The following COL22A1 variants were observed in gnomAD, a reference collection of about 807,000 sequenced individuals.
COL22A1 encodes the protein collagen type XXII alpha 1 chain.
COL22A1 carries 221 observed loss-of-function variants against 248.9 expected under a neutral mutation model. That is an observed-to-expected ratio of 0.89 (90% confidence interval 0.80 to 0.99). The LOEUF is 0.99. Among genes scored for constraint, COL22A1 ranks in the 50% least tolerant of loss-of-function variants. COL22A1 has a pLI of 0.00. For synonymous variants in COL22A1, 891 were observed against 793.4 expected (o/e 1.12, Z -2.07); for missense variants, 2,240 against 2,179.0 (o/e 1.03, Z -0.56).
chr8:138,812,918 T>G (rs1818362718), intron 8 of COL22A1, 21 bp downstream of exon 8: 1 of 1,587,516 alleles, frequency 6.3e-7, no homozygotes, highest in East Asian at 2.2e-5. Context: ...TCCCATCCTC[T>G]CTGTGCGAGA....
chr8:138,649,798 T>A lies in COL22A1; in HGVS notation c.3334-20A>T, dbSNP rs1312866531. 6.8e-7 allele frequency: 1 copy of A among 1,470,254 alleles called. No individual in the cohort carries two copies. Among genetic ancestry groups the A allele is most frequent in the Admixed American group, 2.2e-5 (1 of 46,416 alleles). The allele number at this position is 1,470,254 out of a possible 1,614,324, so 91.1% of individuals were successfully genotyped here. A position where few individuals can be genotyped will look rare whatever the true frequency, so the allele number is the denominator to read the frequency against. ...CACATCCTGAGAGTGGGGAGAGAGG[T>A]GGGGACAAAGAGAGAATAACTAGCA... On this transcript the variant is annotated intron_variant, in intron 45 of 64. Transcript: ENST00000303045.
chr8:138,712,622 C>T (rs370801262), intron 30 of COL22A1, among the ~76,000 whole-genome samples: 1 of 4,248 alleles, frequency 2.4e-4, no homozygotes, highest in African/African-American at 4.8e-4. Context: ...GCAGAGGGTA[C>T]ATGTTCTATC....
chr8:138,800,599 T>G (rs1376084663), intron 11 of COL22A1, among the ~76,000 whole-genome samples: 1 of 152,200 alleles, frequency 6.6e-6, no homozygotes, highest in Admixed American at 6.5e-5. Flanking sequence ...TGCCTGATGC[T>G]AGTGCTGCTT....
chr8:138,815,432 C>T (rs1176275741), intron 7 of COL22A1, among the ~76,000 whole-genome samples: 2 of 152,160 alleles, frequency 1.3e-5, no homozygotes, highest in Admixed American at 6.5e-5. Context: ...TCCCCAGGCC[C>T]TGCAGGACAT....
intron 37 of COL22A1, among the ~76,000 whole-genome samples, chr8:138,688,292 G>A (rs552678421): frequency 1.3e-5 from 2 of 151,960 alleles, no homozygotes; most frequent in African/African-American, 2.4e-5. Context: ...AGGCCAAGGC[G>A]GGTGGATCAC....
chr8:138,736,734 G>A (rs900595845), intron 23 of COL22A1, among the ~76,000 whole-genome samples: 14 of 152,164 alleles, frequency 9.2e-5, no homozygotes, highest in Admixed American at 8.5e-4. Context: ...ACCCAGAGAA[G>A]CTGGAAGAAG....
At chr8:138,719,762 T>G (rs1829727099) in intron 27 of COL22A1, among the ~76,000 whole-genome samples, 1 of 152,182 alleles carries the variant, frequency 6.6e-6, no homozygotes, top group African/African-American at 2.4e-5. Context: ...AATTTGATCA[T>G]GCATTCTCCA....
chr8:138,878,671 T>C (rs1251981655), intron 2 of COL22A1, among the ~76,000 whole-genome samples: 1 of 152,200 alleles, frequency 6.6e-6, no homozygotes, highest in Non-Finnish European at 1.5e-5. Context: ...CCAAATAATG[T>C]ATGCCCATTT....
At chr8:138,666,338 T>C (rs910274577) in intron 41 of COL22A1, among the ~76,000 whole-genome samples, 13 of 152,356 alleles carry the variant, frequency 8.5e-5, no homozygotes, top group African/African-American at 3.1e-4. Flanking sequence ...TTGGTCTATA[T>C]GCCAGGAGTG....
chr8:138,615,970 G>A, intron 55 of COL22A1, 31 bp downstream of exon 55: 1 of 1,584,234 alleles, frequency 6.3e-7, no homozygotes, highest in Middle Eastern at 1.7e-4. Context: ...CCCAGCCCCA[G>A]CCCAGCCAGG....
intron 1 of COL22A1, among the ~76,000 whole-genome samples, chr8:138,902,720 T>G (rs1409486323): frequency 5.6e-4 from 39 of 69,778 alleles, no homozygotes; most frequent in African/African-American, 2.2e-3. Context: ...AAAAAAAAAT[T>G]TATAAATATA....
In COL22A1 at chr8:138,660,590, A is replaced by G. The variant is rs1230277935; in HGVS notation, c.3241-110T>C. 11 of 909,818 alleles carry G rather than the reference A, an allele frequency of 1.2e-5. 1 individual carries two copies. In the Middle Eastern group the frequency reaches 8.8e-4, roughly 73 times the overall value. The allele number at this position is 909,818 out of a possible 1,614,324, so 56.4% of individuals were successfully genotyped here. A position where few individuals can be genotyped will look rare whatever the true frequency, so the allele number is the denominator to read the frequency against. On this transcript the variant is annotated intron_variant, in intron 43 of 64. Transcript: ENST00000303045. ...ATCTGCTAAGTGTAACTCAGTGGGG[A>G]AAAAAAATCATCAGACCATGAGGAT...
intron 12 of COL22A1, among the ~76,000 whole-genome samples, chr8:138,788,010 G>A (rs1490991467): frequency 1.3e-5 from 2 of 152,196 alleles, no homozygotes; most frequent in Admixed American, 1.3e-4. Context: ...TTAACAAAAA[G>A]ATCGTTGCAT....
chr8:138,641,987 C>G (rs151270612), intron 47 of COL22A1, among the ~76,000 whole-genome samples: 475 of 152,274 alleles, frequency 3.1e-3, no homozygotes, highest in African/African-American at 0.01. Flanking sequence ...GCTTGGGTTT[C>G]AAGCCAAGAA....
At chr8:138,619,982 G>A (rs1054903809) in intron 52 of COL22A1, 11 of 175,660 alleles carry the variant, frequency 6.3e-5, no homozygotes, top group Admixed American at 2.2e-4. Flanking sequence ...CTAAGCGGAT[G>A]CTCTTTCCAG....
intron 1 of COL22A1, among the ~76,000 whole-genome samples, chr8:138,912,913 C>T (rs781605801): frequency 6.6e-6 from 1 of 152,128 alleles, no homozygotes; most frequent in Non-Finnish European, 1.5e-5. Context: ...CTGAGTCTTG[C>T]CTTGAGTGGG....
intron 45 of COL22A1, among the ~76,000 whole-genome samples, chr8:138,650,151 T>C (rs1454411883): frequency 6.6e-6 from 1 of 152,218 alleles, no homozygotes; most frequent in African/African-American, 2.4e-5. Flanking sequence ...CATTTAGTAT[T>C]ACTAAAAATA....
chr8:138,900,717 C>T (rs1433322261), intron 1 of COL22A1, among the ~76,000 whole-genome samples: 1 of 152,186 alleles, frequency 6.6e-6, no homozygotes, highest in Non-Finnish European at 1.5e-5. Flanking sequence ...TCTTTAGAGT[C>T]ATTGATCAAT....
chr8:138,704,004 C>G (rs147947823), intron 30 of COL22A1, among the ~76,000 whole-genome samples: 1 of 152,236 alleles, frequency 6.6e-6, no homozygotes, highest in Non-Finnish European at 1.5e-5. Flanking sequence ...GAAGGTCCCA[C>G]GTCCACAGAG....
Sources: gnomAD v4.1 joint callset for allele counts (sites outside exome capture counted in the v4.1 genomes callset) on GRCh38, gnomAD v4.1.1 for gene constraint, MANE v1.5 for transcripts, NCBI Gene and HGNC (gene_info 2026-07-23, HGNC 2026-07-21) for gene names.